The following KIAA1217 variants were observed in gnomAD, a reference collection of about 807,000 sequenced individuals.
The protein encoded by KIAA1217 is sickle tail protein homolog.
A neutral mutation model predicts 163.9 loss-of-function variants in KIAA1217; 88 were observed. That is an observed-to-expected ratio of 0.54 (90% CI 0.45 to 0.64). KIAA1217 has a LOEUF of 0.64. Among genes scored for constraint, KIAA1217 ranks in the 30% least tolerant of loss-of-function variants. The pLI is 0.00. For missense variants in KIAA1217, 2,372 were observed against 2,475.0 expected, an observed-to-expected ratio of 0.96 and a Z score of 0.88; for synonymous variants, 903 against 923.1, an observed-to-expected ratio of 0.98 and a Z score of 0.39.
chr10:23,797,273 A>C lies in KIAA1217; in HGVS notation c.-321+102039A>C, dbSNP rs560415320. 1.9e-4 allele frequency among the ~76,000 whole-genome samples: 29 copies of C among 152,298 alleles called. No individual in the cohort carries two copies. In the East Asian group the frequency reaches 5.4e-3, roughly 28 times the overall value. On this transcript the variant is annotated intron_variant, in intron 1 of 18. Transcript: ENST00000376462. ...ATAGGGATGTGCTTATTGAACACTCATGACTCGTGACACTGGGGTCAGCAG... is the reference window on the plus strand; with the variant it reads ...ATAGGGATGTGCTTATTGAACACTCCTGACTCGTGACACTGGGGTCAGCAG...
At chr10:24,088,289 GTATA>G (rs141353834) in intron 2 of KIAA1217, among the ~76,000 whole-genome samples, 1 of 99,594 alleles carries the variant, frequency 1.0e-5, no homozygotes, top group African/African-American at 3.4e-5. Context: ...ACATATATGT[GTATA>G]TATATATATA....
At chr10:23,855,008 A>G (rs1349590748) in intron 1 of KIAA1217, among the ~76,000 whole-genome samples, 4 of 152,158 alleles carry the variant, frequency 2.6e-5, no homozygotes, top group Admixed American at 2.6e-4. Flanking sequence ...CATTTAGTCC[A>G]TTTACATTTA....
At chr10:24,539,621 G>T (rs2074698614) in intron 17 of KIAA1217, among the ~76,000 whole-genome samples, 1 of 152,138 alleles carries the variant, frequency 6.6e-6, no homozygotes, top group South Asian at 2.1e-4. Flanking sequence ...GGATCCACTG[G>T]CTAATAAGCA....
intron 19 of KIAA1217, 52 bp downstream of exon 19, chr10:24,544,533 C>A: frequency 6.5e-7 from 1 of 1,543,322 alleles, no homozygotes; most frequent in Non-Finnish European, 8.7e-7. Flanking sequence ...CCTAAATCTG[C>A]CATAATCACC....
chr10:23,705,689 T>C (rs1836836828), intron 1 of KIAA1217, among the ~76,000 whole-genome samples: 1 of 152,210 alleles, frequency 6.6e-6, no homozygotes, highest in Non-Finnish European at 1.5e-5. Context: ...TTCAACTTTG[T>C]TCTTATTTTT....
intron 2 of KIAA1217, among the ~76,000 whole-genome samples, chr10:24,200,641 T>G (rs2067212395): frequency 6.6e-6 from 1 of 152,210 alleles, no homozygotes; most frequent in Non-Finnish European, 1.5e-5. Context: ...TGACGCCACC[T>G]GTATCCCTTC....
chr10:24,251,762 G>T (rs570766905), intron 2 of KIAA1217, among the ~76,000 whole-genome samples: 405 of 149,404 alleles, frequency 2.7e-3, no homozygotes, highest in African/African-American at 9.5e-3. Context: ...CACCTTTGTT[G>T]TTGGACAGAC....
intron 1 of KIAA1217, among the ~76,000 whole-genome samples, chr10:23,856,429 G>T (rs1034732222): frequency 2.0e-5 from 3 of 152,340 alleles, no homozygotes; most frequent in Admixed American, 6.5e-5. Context: ...CTACTGGAGG[G>T]TGCCTCCCAG....
intron 1 of KIAA1217, among the ~76,000 whole-genome samples, chr10:23,964,499 G>A (rs1443630476): frequency 6.6e-6 from 1 of 152,002 alleles, no homozygotes; most frequent in East Asian, 1.9e-4. Flanking sequence ...CTTTGCCCAT[G>A]CCTATGTCCT....
At chr10:24,004,959 C>A (rs964885852) in intron 1 of KIAA1217, among the ~76,000 whole-genome samples, 4 of 152,180 alleles carry the variant, frequency 2.6e-5, no homozygotes, top group African/African-American at 9.7e-5. Context: ...GGTTCGACAA[C>A]AGGACTCAAG....
chr10:24,191,121 A>C (rs1589839194), intron 2 of KIAA1217, among the ~76,000 whole-genome samples: 1 of 152,280 alleles, frequency 6.6e-6, no homozygotes, highest in East Asian at 1.9e-4. Context: ...TTGTGGCTGC[A>C]GTGAACTGAG....
chr10:24,415,330 G>A (rs1201789583), intron 3 of KIAA1217, among the ~76,000 whole-genome samples: 2 of 151,776 alleles, frequency 1.3e-5, no homozygotes, highest in Non-Finnish European at 2.9e-5. Flanking sequence ...GGCCAGGCTG[G>A]TCTCGAACTC....
chr10:23,985,187 C>T (rs1417607667), intron 1 of KIAA1217, among the ~76,000 whole-genome samples: 2 of 152,178 alleles, frequency 1.3e-5, no homozygotes, highest in Admixed American at 6.5e-5. Flanking sequence ...TTGTGCTTGT[C>T]CTGAGCTTGT....
intron 2 of KIAA1217, among the ~76,000 whole-genome samples, chr10:24,073,818 A>G (rs966055652): frequency 1.3e-5 from 2 of 152,196 alleles, no homozygotes; most frequent in African/African-American, 4.8e-5. Context: ...CTAGAGTGCC[A>G]CAGCACACAG....
intron 10 of KIAA1217, among the ~76,000 whole-genome samples, chr10:24,517,882 C>G (rs912001164): frequency 6.6e-6 from 1 of 152,190 alleles, no homozygotes; most frequent in African/African-American, 2.4e-5. Flanking sequence ...GTAATCCCAG[C>G]TACTCAGCAG....
intron 1 of KIAA1217, among the ~76,000 whole-genome samples, chr10:23,730,095 G>A (rs191191454): frequency 1.3e-5 from 2 of 152,108 alleles, no homozygotes; most frequent in Non-Finnish European, 2.9e-5. Flanking sequence ...TAGAGACGGG[G>A]TTTCACTGTG....
intron 2 of KIAA1217, among the ~76,000 whole-genome samples, chr10:24,287,002 AG>A (rs1159442774): frequency 1.3e-5 from 2 of 152,160 alleles, no homozygotes; most frequent in Non-Finnish European, 2.9e-5. Flanking sequence ...TGGACTTCAA[AG>A]CATCTTGCCT....
intron 2 of KIAA1217, among the ~76,000 whole-genome samples, chr10:24,084,115 C>T (rs1022305475): frequency 1.3e-5 from 2 of 152,216 alleles, no homozygotes; most frequent in East Asian, 1.9e-4. Context: ...CTCAAAACAT[C>T]ATCTTTGCAG....
chr10:24,534,320 C>G (rs978224798), intron 16 of KIAA1217, among the ~76,000 whole-genome samples: 9 of 152,192 alleles, frequency 5.9e-5, no homozygotes, highest in African/African-American at 1.7e-4. Context: ...GGGACATCCC[C>G]GCAACCAATC....
Sources: gnomAD v4.1 joint callset for allele counts (sites outside exome capture counted in the v4.1 genomes callset) on GRCh38, gnomAD v4.1.1 for gene constraint, MANE v1.5 for transcripts, NCBI Gene and HGNC (gene_info 2026-07-23, HGNC 2026-07-21) for gene names.